The following TSNARE1 variants were observed in gnomAD, a reference collection of about 807,000 sequenced individuals.
TSNARE1 encodes the protein t-SNARE domain containing 1, also known as t-SNARE domain-containing protein 1.
In TSNARE1, 49 loss-of-function variants were observed where a neutral mutation model predicts 62.0. The ratio of observed to expected loss-of-function variants is 0.79; its 90% CI spans 0.63 to 1.00. The LOEUF (loss-of-function observed/expected upper bound fraction) is 1.00. Among genes scored for constraint, TSNARE1 ranks in the 50% least tolerant of loss-of-function variants. The probability of loss-of-function intolerance (pLI) is 0.00; values close to 1 mark genes in which losing one functional copy is unlikely to be tolerated. For synonymous variants in TSNARE1, 328 were observed against 294.4 expected (o/e 1.11, Z -1.17); for missense variants, 755 against 700.1 (o/e 1.08, Z -0.88).
At position 142,243,346 on chromosome 8, in the gene TSNARE1, C is replaced by T. The variant is rs147696102; in HGVS notation, c.1447-13767G>A. Among the ~76,000 whole-genome samples, 331 of 152,326 alleles carry T rather than the reference C, an allele frequency of 2.2e-3. 1 individual carries two copies. The highest frequency in any genetic ancestry group is 7.6e-3 in the Admixed American group (117 of 15,302). On this transcript the variant is annotated intron_variant, in intron 12 of 13. Coordinates refer to ENST00000524325, the MANE Select transcript of TSNARE1 (RefSeq NM_145003.5). The stretch of plus-strand genomic sequence containing the variant: ...ATTCACAATAGCCAGGACGTGGAAT[C>T]GGCCTAAGTGTCCCCCCAAAGTCGG...
Position 142,345,840 on chromosome 8 carries a change from C to T in TSNARE1, c.141G>A (p.Ser47=), listed in dbSNP as rs764392798. 1.2e-5 allele frequency: 20 copies of T among 1,613,862 alleles called. No homozygotes were observed. The highest frequency in any genetic ancestry group is 1.6e-4 in the Middle Eastern group (1 of 6,082). Residue 47 remains serine (S), a synonymous_variant, in exon 3 of 14, where the codon TCG becomes TCA. Transcript: ENST00000524325. ...EYGIRHFPCP[S]PESKLQNRCV... ...AGCGGTTCTGCAGCTTGCTCTCTGG[C>T]GACGGGCAGGGGAAATGGCGGATTC...
At position 142,319,007 on chromosome 8, in the gene TSNARE1, A is replaced by T. The variant is rs1410038075; in HGVS notation, c.894-373T>A. Reference sequence around the variant, plus strand: ...GCAGACACCCAGCAAGAGACGGGGGAGACGGGCAGACACACAGCAAGAGGC... The same window carrying T: ...GCAGACACCCAGCAAGAGACGGGGGTGACGGGCAGACACACAGCAAGAGGC... On this transcript the variant is annotated intron_variant, in intron 6 of 13. Transcript: ENST00000524325. The surrounding 1 kb of genome is among the most constrained non-coding windows in gnomAD (Gnocchi z 4.9). Among the ~76,000 whole-genome samples the T allele has an allele frequency of 6.7e-6, 1 of 149,324 alleles. No homozygotes were observed. Among genetic ancestry groups the T allele is most frequent in the Non-Finnish European group, 1.5e-5 (1 of 67,000 alleles).
chr8:142,278,939 G>T, intron 11 of TSNARE1: 1 of 315,736 alleles, frequency 3.2e-6, no homozygotes, highest in Non-Finnish European at 4.6e-6. Context: ...CGTGACCAAT[G>T]AATGGACAGG....
intron 1 of TSNARE1, among the ~76,000 whole-genome samples, chr8:142,401,310 C>T (rs1838273388): frequency 6.6e-6 from 1 of 152,132 alleles, no homozygotes; most frequent in Non-Finnish European, 1.5e-5. Context: ...GCCACAGAGG[C>T]TCCCAGGCAC....
intron 1 of TSNARE1, among the ~76,000 whole-genome samples, chr8:142,396,234 A>AACAC (rs144100549): frequency 1.7e-4 from 26 of 151,460 alleles, no homozygotes; most frequent in African/African-American, 5.6e-4. Context: ...GATAAACACA[A>AACAC]ACACACACAC....
chr8:142,270,778 G>A (rs947206740), intron 12 of TSNARE1: 20 of 985,276 alleles, frequency 2.0e-5, no homozygotes, highest in Non-Finnish European at 2.4e-5. Flanking sequence ...TGCAGACTTC[G>A]CAGCTGCTGC....
chr8:142,215,462 CAT>C (rs907204701), intron 13 of TSNARE1, among the ~76,000 whole-genome samples: 18 of 152,248 alleles, frequency 1.2e-4, no homozygotes, highest in South Asian at 2.1e-4. Context: ...CCCATCCCCA[CAT>C]GTGTCCCCCA....
At chr8:142,380,567 C>T (rs1331997910) in intron 1 of TSNARE1, among the ~76,000 whole-genome samples, 2 of 151,892 alleles carry the variant, frequency 1.3e-5, no homozygotes, top group African/African-American at 4.8e-5. Context: ...ACAGCAGCCC[C>T]TCCATGGGGC....
chr8:142,396,517 G>A (rs1457973820), intron 1 of TSNARE1, among the ~76,000 whole-genome samples: 3 of 152,228 alleles, frequency 2.0e-5, no homozygotes, highest in South Asian at 4.1e-4. Flanking sequence ...ACAGGATTAG[G>A]TCTTTATTAG....
chr8:142,278,643 T>C (rs1220572408), intron 11 of TSNARE1: 4 of 985,228 alleles, frequency 4.1e-6, no homozygotes, highest in South Asian at 4.7e-5. Flanking sequence ...GCGTCACCCT[T>C]GGAGCCAGTG....
intron 1 of TSNARE1, among the ~76,000 whole-genome samples, chr8:142,365,669 AG>A (rs1455916827): frequency 3.9e-5 from 6 of 152,176 alleles, no homozygotes; most frequent in African/African-American, 1.2e-4. Context: ...AAACCAAATG[AG>A]GGGACATGTT....
chr8:142,251,334 T>TC (rs367731667), intron 12 of TSNARE1, among the ~76,000 whole-genome samples: 10 of 87,654 alleles, frequency 1.1e-4, no homozygotes, highest in African/African-American at 4.2e-4. Flanking sequence ...CCCGCCCCCC[T>TC]CCCCCCACAA....
intron 13 of TSNARE1, among the ~76,000 whole-genome samples, chr8:142,212,536 C>G (rs1226987537): frequency 1.3e-5 from 2 of 152,052 alleles, no homozygotes; most frequent in Admixed American, 1.3e-4. Flanking sequence ...TCACCCATCC[C>G]CACGCTCAGC....
chr8:142,261,037 AGGAGGGAGGAAGGAAAGAGGGAAG>A (rs1166316031), intron 12 of TSNARE1, among the ~76,000 whole-genome samples: 8 of 79,604 alleles, frequency 1.0e-4, no homozygotes, highest in East Asian at 4.8e-4. Flanking sequence ...GGAGAGAAAG[AGGAGGGAGGAAGGAAAGAGGGAAG>A]CAGGAGGGAG....
chr8:142,304,005 G>A lies in TSNARE1; in HGVS notation c.1132-3361C>T, dbSNP rs190917187. ...CTTGCCCAGGTCCTGCAGGTGGGAT[G>A]GTGAGGCTGCCCTAGCCAGGTTCTC... On this transcript the variant is annotated intron_variant, in intron 9 of 13. Transcript: ENST00000524325. Among the ~76,000 whole-genome samples, 6 of 152,356 alleles carry A rather than the reference G, an allele frequency of 3.9e-5. No individual in the cohort carries two copies. In the East Asian group the frequency reaches 1.2e-3, roughly 29 times the overall value.
chr8:142,328,231 T>A (rs866767961), intron 6 of TSNARE1, among the ~76,000 whole-genome samples: 2 of 152,198 alleles, frequency 1.3e-5, no homozygotes, highest in Non-Finnish European at 2.9e-5. Context: ...TTAAGCCCTA[T>A]CCTATGTAGC....
chr8:142,303,713 G>A (rs1020689090), intron 9 of TSNARE1, among the ~76,000 whole-genome samples: 1 of 152,228 alleles, frequency 6.6e-6, no homozygotes, highest in Non-Finnish European at 1.5e-5. Context: ...GCAGGTGCGA[G>A]GCTAGGAGGG....
intron 12 of TSNARE1, among the ~76,000 whole-genome samples, chr8:142,230,863 T>C (rs1159199023): frequency 1.3e-5 from 2 of 151,212 alleles, no homozygotes; most frequent in Admixed American, 6.6e-5. Flanking sequence ...CATCAATTCA[T>C]CTATCCATCC....
intron 1 of TSNARE1, among the ~76,000 whole-genome samples, chr8:142,400,540 A>G (rs900825834): frequency 1.3e-5 from 2 of 148,918 alleles, no homozygotes; most frequent in African/African-American, 2.5e-5. Flanking sequence ...AGAAATCAAG[A>G]CCATCCTGGC....
Sources: gnomAD v4.1 joint callset for allele counts (sites outside exome capture counted in the v4.1 genomes callset) on GRCh38, gnomAD v4.1.1 for gene constraint, Gnocchi (gnomAD v3.1) non-coding constraint, MANE v1.5 for transcripts, NCBI Gene and HGNC (gene_info 2026-07-23, HGNC 2026-07-21) for gene names.